EMID1: variants seen among roughly 807,000 people sequenced by gnomAD.
The protein encoded by EMID1 is EMI domain-containing protein 1.
Under a neutral mutation model 60.6 loss-of-function variants are expected in EMID1, and 40 were observed. The ratio of observed to expected loss-of-function variants is 0.66; its 90% CI spans 0.51 to 0.86. The LOEUF (loss-of-function observed/expected upper bound fraction) is 0.86, where lower values mean the gene tolerates loss of function less well. Ranked by LOEUF, EMID1 falls within the 40% of genes least tolerant of loss-of-function variation. The pLI is 0.00. For synonymous variants in EMID1, 242 were observed against 231.0 expected (o/e 1.05, Z -0.43); for missense variants, 585 against 597.1 (o/e 0.98, Z 0.21).
At chr22:29,232,159 A>G in intron 7 of EMID1, 97 bp from the exon 8 acceptor site, 1 of 1,478,026 alleles carries the variant, frequency 6.8e-7, no homozygotes, top group Middle Eastern at 2.4e-4. Context: ...GCCCTCTCTC[A>G]TGCCCACTGC....
intron 13 of EMID1, 186 bp from the exon 14 acceptor site, chr22:29,254,017 C>A: frequency 1.0e-6 from 1 of 985,430 alleles, no homozygotes; most frequent in African/African-American, 1.7e-5. Context: ...TGCTTCCTTC[C>A]GTCTGCCTTG....
chr22:29,224,819 G>A (rs371366009), intron 3 of EMID1, among the ~76,000 whole-genome samples: 3 of 152,270 alleles, frequency 2.0e-5, no homozygotes. Flanking sequence ...TAAGTGTCAG[G>A]GCTCGGACCC....
rs747742478 is a variant in EMID1, at chr22:29,225,138, G to T, written c.325G>T (p.Ala109Ser). 1.2e-6 allele frequency: 2 copies of T among 1,613,920 alleles called. No individual in the cohort carries two copies. The highest frequency in any genetic ancestry group is 1.7e-6 in the Non-Finnish European group (2 of 1,179,984). ...HSGVSCEEVAASSASLEPMWS... is the reference protein window; with the variant it reads ...HSGVSCEEVASSSASLEPMWS... The stretch of plus-strand genomic sequence containing the variant: ...TCTCACCCTCCATCCCTTAGTTGCA[G>T]CTTCCTCTGCCTCCTTGGAGCCCAT... The change falls in exon 4 of 15, where the codon GCT (alanine) becomes TCT (serine). Residue 109 changes from alanine (A) to serine (S), a missense_variant. Coordinates refer to ENST00000334018, the MANE Select transcript of EMID1 (RefSeq NM_133455.4).
At chr22:29,216,607 A>G (rs2040091614) in intron 3 of EMID1, 5 of 985,364 alleles carry the variant, frequency 5.1e-6, no homozygotes, top group African/African-American at 1.7e-5. Context: ...TCAAAGGAAC[A>G]TGGTGCTTCC....
At chr22:29,234,222 G>A (rs760089154) in intron 11 of EMID1, 23 bp downstream of exon 11, 27 of 1,608,584 alleles carry the variant, frequency 1.7e-5, no homozygotes, top group Non-Finnish European at 2.2e-5. Flanking sequence ...GTGGCCCCAG[G>A]TGGGGGAATT....
At chr22:29,248,173 G>C (rs2041395371) in intron 13 of EMID1, among the ~76,000 whole-genome samples, 1 of 151,468 alleles carries the variant, frequency 6.6e-6, no homozygotes, top group Non-Finnish European at 1.5e-5. Flanking sequence ...TGGCCAGGCT[G>C]GTCTCAAACT....
At chr22:29,225,873 G>A (rs945280184) in intron 4 of EMID1, among the ~76,000 whole-genome samples, 23 of 152,232 alleles carry the variant, frequency 1.5e-4, no homozygotes, top group African/African-American at 3.4e-4. Flanking sequence ...AATGACTCAT[G>A]TCATTCTCGT....
Position 29,251,536 on chromosome 22 carries a change from C to T in EMID1, c.1120-2667C>T, listed in dbSNP as rs547205752. 4.6e-5 allele frequency among the ~76,000 whole-genome samples: 7 copies of T among 150,738 alleles called. No homozygotes were observed. In the South Asian group the frequency reaches 1.5e-3, roughly 33 times the overall value. On this transcript the variant is annotated intron_variant, in intron 13 of 14. Coordinates refer to ENST00000334018, the MANE Select transcript of EMID1 (RefSeq NM_133455.4). ...TTTTTGAGACATGGTCTTGCTCTGT[C>T]ACCCATCGTGGAGTGCAGTGGCACA...
At chr22:29,215,798 G>C (rs1194721563) in intron 3 of EMID1, among the ~76,000 whole-genome samples, 168 bp downstream of exon 3, 1 of 152,070 alleles carries the variant, frequency 6.6e-6, no homozygotes, top group South Asian at 2.1e-4. Flanking sequence ...TGTCCCCCCT[G>C]CCCCCCACGG....
intron 5 of EMID1, among the ~76,000 whole-genome samples, chr22:29,229,977 G>A (rs1260340154): frequency 6.6e-6 from 1 of 152,212 alleles, no homozygotes; most frequent in Non-Finnish European, 1.5e-5. Context: ...GGGCCCAAAA[G>A]TGGACTTTGT....
At chr22:29,226,807 G>A (rs1442553345) in intron 5 of EMID1, among the ~76,000 whole-genome samples, 1 of 152,138 alleles carries the variant, frequency 6.6e-6, no homozygotes, top group Non-Finnish European at 1.5e-5. Context: ...GGGGATACTA[G>A]CATCCACTCA....
At chr22:29,227,148 T>C (rs1460546050) in intron 5 of EMID1, among the ~76,000 whole-genome samples, 1 of 152,122 alleles carries the variant, frequency 6.6e-6, no homozygotes, top group Non-Finnish European at 1.5e-5. Flanking sequence ...TGGAGTGCAG[T>C]GGCGAGATCT....
intron 14 of EMID1, chr22:29,254,496 G>A (rs1299856077): frequency 2.1e-5 from 12 of 561,402 alleles, no homozygotes; most frequent in Non-Finnish European, 3.8e-5. Flanking sequence ...TAGAAACCCG[G>A]GCCCTGCTGC....
Position 29,234,148 on chromosome 22 carries a change from C to A in EMID1, c.978C>A (p.Gly326=), listed in dbSNP as rs1459562254. The change falls in exon 11 of 15, where the codon GGC becomes GGA. Residue 326 remains glycine (G), a synonymous_variant. Coordinates refer to ENST00000334018, the MANE Select transcript of EMID1 (RefSeq NM_133455.4). ...GTCTTGTTGCTCAGGGACCCCCAGGCCCCACTGGACCCAAAGGAATCTCTG... is the reference window on the plus strand; with the variant it reads ...GTCTTGTTGCTCAGGGACCCCCAGGACCCACTGGACCCAAAGGAATCTCTG... ...PGSPGHIGPP[G]PTGPKGISGH... is the part of the protein sequence containing the mutation. The A allele has an allele frequency of 5.0e-6, 8 of 1,593,006 alleles. No individual in the cohort carries two copies. Among genetic ancestry groups the A allele is most frequent in the Non-Finnish European group, 6.0e-6 (7 of 1,169,248 alleles).
Position 29,232,286 on chromosome 22 carries a change from G to C in EMID1, c.707G>C (p.Arg236Pro). The C allele has an allele frequency of 6.2e-7, 1 of 1,611,448 alleles. No homozygotes were observed. Among genetic ancestry groups the C allele is most frequent in the Non-Finnish European group, 8.5e-7 (1 of 1,179,748 alleles). ...GPQGPPGSPG[R>P]AGAVGTPGER... ...CAGGGCCCCCCAGGGAGCCCTGGCC[G>C]GGCTGGAGCTGTGGGCACCCCTGGA... is the stretch of plus-strand genomic sequence containing the variant. Residue 236 changes from arginine (R) to proline (P), a missense_variant, in exon 8 of 15, where the codon CGG (arginine) becomes CCG (proline). Physicochemically the swap from Arg to Pro is moderately radical, Grantham distance 103. Coordinates refer to ENST00000334018, the MANE Select transcript of EMID1 (RefSeq NM_133455.4).
intron 8 of EMID1, 21 bp downstream of exon 8, chr22:29,232,423 A>C: frequency 6.5e-7 from 1 of 1,537,848 alleles, no homozygotes; most frequent in Non-Finnish European, 8.7e-7. Context: ...CTGGGATCCC[A>C]GCAGGTGGAG....
intron 12 of EMID1, among the ~76,000 whole-genome samples, chr22:29,236,914 A>G (rs1238716743): frequency 2.0e-5 from 3 of 150,324 alleles, no homozygotes; most frequent in Admixed American, 2.0e-4. Context: ...CTCCTGCCTC[A>G]GCCTCCCAAG....
chr22:29,248,571 C>A (rs777614573), intron 13 of EMID1, among the ~76,000 whole-genome samples: 5 of 152,154 alleles, frequency 3.3e-5, no homozygotes, highest in Non-Finnish European at 4.4e-5. Flanking sequence ...TGACCAGGTG[C>A]AGTGGCTCAC....
At chr22:29,237,850 C>A (rs2041012012) in intron 12 of EMID1, among the ~76,000 whole-genome samples, 1 of 144,310 alleles carries the variant, frequency 6.9e-6, no homozygotes. Context: ...AATTTTTGTC[C>A]TCTCTGAAGA....
Sources: gnomAD v4.1 joint callset for allele counts (sites outside exome capture counted in the v4.1 genomes callset) on GRCh38, gnomAD v4.1.1 for gene constraint, MANE v1.5 for transcripts, NCBI Gene and HGNC (gene_info 2026-07-23, HGNC 2026-07-21) for gene names.